RAB31: variants seen among roughly 807,000 people sequenced by gnomAD.
RAB31 encodes the protein ras-related protein Rab-31.
A neutral mutation model predicts 25.6 loss-of-function variants in RAB31; 21 were observed. The ratio of observed to expected loss-of-function variants is 0.82; its 90% CI spans 0.58 to 1.18. The LOEUF is 1.18. RAB31 is among the 50% of genes most tolerant of loss of function. The pLI is 0.00. For synonymous variants in RAB31, 87 were observed against 84.0 expected (o/e 1.04, Z -0.20); for missense variants, 196 against 250.1 (o/e 0.78, Z 1.46).
At chr18:9,833,781 C>A (rs904613850) in intron 5 of RAB31, among the ~76,000 whole-genome samples, 2 of 152,148 alleles carry the variant, frequency 1.3e-5, no homozygotes, top group African/African-American at 4.8e-5. Flanking sequence ...GATCTATGAG[C>A]TGTTATTAGA....
chr18:9,754,749 T>A (rs1264020086), intron 1 of RAB31, among the ~76,000 whole-genome samples: 4 of 152,204 alleles, frequency 2.6e-5, no homozygotes, highest in African/African-American at 9.7e-5. Context: ...GACTTGAACA[T>A]TCTCAGATTT....
intron 6 of RAB31, among the ~76,000 whole-genome samples, chr18:9,857,790 G>A (rs1353117073): frequency 6.6e-6 from 1 of 151,194 alleles, no homozygotes; most frequent in Non-Finnish European, 1.5e-5. Flanking sequence ...CACTTTAGGA[G>A]ACCAAGGTGA....
intron 6 of RAB31, among the ~76,000 whole-genome samples, chr18:9,852,678 G>A (rs2068795102): frequency 1.3e-5 from 2 of 151,692 alleles, no homozygotes; most frequent in African/African-American, 2.4e-5. Context: ...ATTGTTTTCA[G>A]TTTTGGGTGA....
chr18:9,816,989 C>A (rs923223596), intron 5 of RAB31, among the ~76,000 whole-genome samples: 1 of 152,184 alleles, frequency 6.6e-6, no homozygotes, highest in Non-Finnish European at 1.5e-5. Flanking sequence ...AAGTTTGCAT[C>A]AACTTGCATC....
intron 5 of RAB31, among the ~76,000 whole-genome samples, chr18:9,837,049 T>C (rs2068709239): frequency 6.6e-6 from 1 of 151,210 alleles, no homozygotes; most frequent in Non-Finnish European, 1.5e-5. Flanking sequence ...AGATTCAGTG[T>C]GTGAAGAACG....
chr18:9,841,104 C>T (rs1237487071), intron 5 of RAB31, among the ~76,000 whole-genome samples: 1 of 152,042 alleles, frequency 6.6e-6, no homozygotes, highest in African/African-American at 2.4e-5. Flanking sequence ...CTAATTTTTC[C>T]TATTTTTTGT....
intron 2 of RAB31, among the ~76,000 whole-genome samples, chr18:9,780,135 C>G (rs899004680): frequency 6.6e-6 from 1 of 150,532 alleles, no homozygotes; most frequent in African/African-American, 2.5e-5. Flanking sequence ...ATGATTGTGC[C>G]ACTCTACTCC....
chr18:9,807,984 T>C (rs568522356), intron 3 of RAB31, among the ~76,000 whole-genome samples: 2 of 152,252 alleles, frequency 1.3e-5, no homozygotes, highest in African/African-American at 4.8e-5. Context: ...TCCCAGTCAA[T>C]CAATAAAAGT....
chr18:9,750,545 G>C (rs2145478182), intron 1 of RAB31, among the ~76,000 whole-genome samples: 2 of 152,286 alleles, frequency 1.3e-5, no homozygotes, highest in South Asian at 4.1e-4. Flanking sequence ...CACTGCTCTG[G>C]CGGATTGGCC....
In RAB31 at chr18:9,717,689, AAGAAGAAAGACAGAGAGACACGC is replaced by A. The variant is rs546808748; in HGVS notation, c.39+9247_39+9269del. Among the ~76,000 whole-genome samples the A allele has an allele frequency of 1.2e-3, 188 of 152,286 alleles. 1 individual carries two copies. The highest frequency in any genetic ancestry group is 1.5e-3 in the Non-Finnish European group (103 of 68,016). ...GAAGAAGAGAGAAAGAGGAGAAGAG[AAGAAGAAAGACAGAGAGACACGC>A]ACGTACACACACAGACACACGTACA... On this transcript the variant is annotated intron_variant, in intron 1 of 6. Transcript: ENST00000578921.
chr18:9,809,936 A>G (rs1335590777), intron 3 of RAB31, among the ~76,000 whole-genome samples: 1 of 152,238 alleles, frequency 6.6e-6, no homozygotes, highest in Non-Finnish European at 1.5e-5. Context: ...TCCATCTGCG[A>G]AAGCTGAGCA....
chr18:9,724,011 A>T (rs896250970), intron 1 of RAB31, among the ~76,000 whole-genome samples: 4 of 152,222 alleles, frequency 2.6e-5, no homozygotes, highest in East Asian at 3.8e-4. Flanking sequence ...ATAAGTATTT[A>T]AAAAACATTA....
At chr18:9,837,549 C>T (rs79783030) in intron 5 of RAB31, among the ~76,000 whole-genome samples, 9,797 of 152,072 alleles carry the variant, frequency 0.064, 395 homozygotes, top group East Asian at 0.14. Flanking sequence ...GAAAAAAATT[C>T]GGAAAATGTA....
At chr18:9,749,716 C>A (rs574376747) in intron 1 of RAB31, among the ~76,000 whole-genome samples, 54 of 152,312 alleles carry the variant, frequency 3.5e-4, no homozygotes, top group Middle Eastern at 3.4e-3. Context: ...TGAATGGCTA[C>A]TAGCTCTTGA....
chr18:9,806,408 G>C, intron 3 of RAB31, among the ~76,000 whole-genome samples: 1 of 152,166 alleles, frequency 6.6e-6, no homozygotes, highest in East Asian at 1.9e-4. Flanking sequence ...TTAAAGGTGT[G>C]ACAGAAGTGA....
intron 2 of RAB31, among the ~76,000 whole-genome samples, chr18:9,779,724 C>T (rs545561484): frequency 9.5e-4 from 144 of 152,334 alleles, no homozygotes; most frequent in Middle Eastern, 3.4e-3. Context: ...CCTTACCTCA[C>T]CCCTCCTTTG....
intron 1 of RAB31, among the ~76,000 whole-genome samples, chr18:9,774,421 C>G (rs1443984025): frequency 6.6e-6 from 1 of 152,164 alleles, no homozygotes; most frequent in Non-Finnish European, 1.5e-5. Flanking sequence ...GTTTTCAGCC[C>G]TCCATTGCTT....
chr18:9,795,058 A>C (rs1237154001), intron 3 of RAB31, among the ~76,000 whole-genome samples: 1 of 152,156 alleles, frequency 6.6e-6, no homozygotes, highest in East Asian at 1.9e-4. Flanking sequence ...AGACCAATGG[A>C]ACAGAATAAA....
intron 3 of RAB31, among the ~76,000 whole-genome samples, chr18:9,799,566 A>G (rs549232615): frequency 2.8e-4 from 42 of 152,184 alleles, no homozygotes; most frequent in African/African-American, 9.6e-4. Flanking sequence ...GCATGATCAT[A>G]GCTCATTGTA....
Sources: gnomAD v4.1 joint callset for allele counts (sites outside exome capture counted in the v4.1 genomes callset) on GRCh38, gnomAD v4.1.1 for gene constraint, MANE v1.5 for transcripts, NCBI Gene and HGNC (gene_info 2026-07-23, HGNC 2026-07-21) for gene names.